Variants in NELL1 observed in about 807,000 individuals in gnomAD.
NELL1 encodes neural EGFL like 1.
A neutral mutation model predicts 107.4 loss-of-function variants in NELL1; 76 were observed. The ratio of observed to expected loss-of-function variants is 0.71; its 90% CI spans 0.59 to 0.86. The LOEUF (loss-of-function observed/expected upper bound fraction) is 0.86. Ranked by LOEUF, NELL1 falls within the 40% of genes least tolerant of loss-of-function variation. The pLI is 0.00. For synonymous variants in NELL1, 353 were observed against 341.2 expected, an observed-to-expected ratio of 1.03 and a Z score of -0.38; for missense variants, 1,024 against 1,005.5, an observed-to-expected ratio of 1.02 and a Z score of -0.25.
At chr11:21,419,555 C>T (rs1852607955) in intron 15 of NELL1, among the ~76,000 whole-genome samples, 1 of 152,112 alleles carries the variant, frequency 6.6e-6, no homozygotes, top group African/African-American at 2.4e-5. Flanking sequence ...CCAAAATTCT[C>T]TGAGGAACAT....
intron 2 of NELL1, among the ~76,000 whole-genome samples, chr11:20,743,322 T>C (rs1236596019): frequency 6.6e-6 from 1 of 151,708 alleles, no homozygotes; most frequent in Admixed American, 6.6e-5. Flanking sequence ...CACTGTACTC[T>C]AGCCTGTGTG....
intron 12 of NELL1, among the ~76,000 whole-genome samples, chr11:21,051,153 A>G (rs970970197): frequency 6.6e-6 from 1 of 152,180 alleles, no homozygotes; most frequent in Non-Finnish European, 1.5e-5. Context: ...TTAATCAACT[A>G]GTAGATAAAG....
intron 12 of NELL1, among the ~76,000 whole-genome samples, chr11:21,050,749 T>C (rs1048114791): frequency 1.3e-5 from 2 of 152,162 alleles, no homozygotes; most frequent in Admixed American, 6.5e-5. Flanking sequence ...AGTTTTCTCA[T>C]CTGTATAGTA....
chr11:21,183,795 G>C (rs1248436779), intron 13 of NELL1, among the ~76,000 whole-genome samples: 1 of 151,806 alleles, frequency 6.6e-6, no homozygotes, highest in East Asian at 1.9e-4. Flanking sequence ...GGAATCAGGT[G>C]ATTGGAATGT....
intron 2 of NELL1, among the ~76,000 whole-genome samples, chr11:20,721,887 T>C (rs1614419): frequency 0.83 from 126,541 of 151,848 alleles, 53,100 homozygotes; most frequent in East Asian, 0.95. Context: ...CATGTGAGGG[T>C]TTGAAGAGTT....
At chr11:21,186,714 A>G (rs1312231244) in intron 13 of NELL1, among the ~76,000 whole-genome samples, 1 of 151,882 alleles carries the variant, frequency 6.6e-6, no homozygotes, top group Non-Finnish European at 1.5e-5. Context: ...TCTCATTTTT[A>G]TATCACTGGA....
chr11:20,938,353 C>T (rs1031924744), intron 10 of NELL1, among the ~76,000 whole-genome samples: 12 of 152,142 alleles, frequency 7.9e-5, no homozygotes, highest in African/African-American at 2.9e-4. Context: ...TAAGCAAATG[C>T]TGTATGACAG....
At chr11:20,671,775 G>GGT (rs66822935) in intron 1 of NELL1, among the ~76,000 whole-genome samples, 134 of 112,814 alleles carry the variant, frequency 1.2e-3, no homozygotes, top group Non-Finnish European at 1.6e-4. Flanking sequence ...AGATTGATGG[G>GGT]GGGGGTGGTG....
intron 3 of NELL1, among the ~76,000 whole-genome samples, chr11:20,844,235 AG>A (rs1232575617): frequency 6.6e-6 from 1 of 152,220 alleles, no homozygotes; most frequent in Non-Finnish European, 1.5e-5. Context: ...GCAAAGAGGA[AG>A]AAGGCAGAAT....
intron 4 of NELL1, among the ~76,000 whole-genome samples, chr11:20,879,248 A>C (rs547249398): frequency 2.0e-5 from 3 of 152,202 alleles, no homozygotes; most frequent in South Asian, 2.1e-4. Context: ...ACCGTGTCAC[A>C]TGCTGAAGAG....
At chr11:21,269,054 G>GA (rs985573308) in intron 14 of NELL1, among the ~76,000 whole-genome samples, 1 of 151,140 alleles carries the variant, frequency 6.6e-6, no homozygotes, top group South Asian at 2.1e-4. Context: ...CATGGCTGAG[G>GA]AAAAAAAATC....
intron 13 of NELL1, among the ~76,000 whole-genome samples, chr11:21,198,388 C>T (rs1857198217): frequency 6.6e-6 from 1 of 152,150 alleles, no homozygotes; most frequent in Non-Finnish European, 1.5e-5. Context: ...GATTTGACCC[C>T]TTGATGAAGG....
intron 12 of NELL1, among the ~76,000 whole-genome samples, chr11:21,013,306 T>A (rs768666418): frequency 5.3e-5 from 8 of 152,118 alleles, no homozygotes; most frequent in African/African-American, 1.4e-4. Flanking sequence ...TGTGTTGGAA[T>A]GGACACTTGA....
chr11:21,458,444 A>G (rs1853806489), intron 15 of NELL1, among the ~76,000 whole-genome samples: 1 of 152,196 alleles, frequency 6.6e-6, no homozygotes, highest in South Asian at 2.1e-4. Flanking sequence ...CATTTATAAT[A>G]AGGAAAAAAG....
Position 20,755,534 on chromosome 11 carries a change from G to GTTTT in NELL1, c.185-28144_185-28141dup, listed in dbSNP as rs1364309032. On this transcript the variant is annotated intron_variant, in intron 2 of 19. Coordinates refer to ENST00000357134, the MANE Select transcript of NELL1 (RefSeq NM_006157.5). ...TTTCATGTAAAAAAGACCTGTGTGGGTTTTTGTTTTTTTTTGTTTTTGTTT... is the reference window on the plus strand; with the variant it reads ...TTTCATGTAAAAAAGACCTGTGTGGGTTTTTTTTTGTTTTTTTTTGTTTTTGTTT... Among the ~76,000 whole-genome samples the GTTTT allele has an allele frequency of 2.5e-4, 23 of 90,304 alleles. 1 individual carries two copies. The highest frequency in any genetic ancestry group is 7.1e-4 in the African/African-American group (21 of 29,406). 59.2% of individuals were successfully genotyped at this position (90,304 alleles called of 152,430 possible). A position where few individuals can be genotyped will look rare whatever the true frequency, so the allele number is the denominator to read the frequency against.
intron 15 of NELL1, among the ~76,000 whole-genome samples, chr11:21,528,133 G>T (rs1855899638): frequency 6.6e-6 from 1 of 152,170 alleles, no homozygotes; most frequent in South Asian, 2.1e-4. Context: ...GACTGTCTTG[G>T]AATGTGGGGA....
chr11:21,484,922 C>A (rs753197782), intron 15 of NELL1, among the ~76,000 whole-genome samples: 4 of 152,036 alleles, frequency 2.6e-5, no homozygotes, highest in Non-Finnish European at 5.9e-5. Context: ...GGAGAGAACA[C>A]TGGAATATAA....
At chr11:20,859,059 G>A (rs1384089627) in intron 4 of NELL1, among the ~76,000 whole-genome samples, 2 of 152,126 alleles carry the variant, frequency 1.3e-5, no homozygotes, top group African/African-American at 2.4e-5. Context: ...TCGTCATTTC[G>A]GCTGTAGGTT....
chr11:21,442,235 GC>G (rs1277707641), intron 15 of NELL1, among the ~76,000 whole-genome samples: 1 of 152,080 alleles, frequency 6.6e-6, no homozygotes, highest in Non-Finnish European at 1.5e-5. Context: ...CCTAAGATTA[GC>G]AACCTCAGTT....
Sources: gnomAD v4.1 joint callset for allele counts (sites outside exome capture counted in the v4.1 genomes callset) on GRCh38, gnomAD v4.1.1 for gene constraint, MANE v1.5 for transcripts, NCBI Gene and HGNC (gene_info 2026-07-23, HGNC 2026-07-21) for gene names.